Variants in TSPAN15 observed in about 807,000 individuals in gnomAD.
TSPAN15 encodes the protein tetraspanin-15.
A neutral mutation model predicts 34.5 loss-of-function variants in TSPAN15; 20 were observed. The observed-to-expected ratio is 0.58, with a 90% CI of 0.41 to 0.84. The LOEUF (loss-of-function observed/expected upper bound fraction) is 0.84, where lower values mean the gene tolerates loss of function less well. Among genes scored for constraint, TSPAN15 ranks in the 40% least tolerant of loss-of-function variants. TSPAN15 has a pLI of 0.00. For missense variants in TSPAN15, 313 were observed against 386.1 expected, an observed-to-expected ratio of 0.81 and a Z score of 1.59; for synonymous variants, 155 against 153.9, an observed-to-expected ratio of 1.01 and a Z score of -0.05.
chr10:69,530,820 C>CTCTCTCTCTCTCTATA, the TSPAN15 span, among the ~76,000 whole-genome samples: 1 of 30,776 alleles, frequency 3.2e-5, no homozygotes, highest in African/African-American at 1.2e-4. Flanking sequence ...CTCTCTCTCT[C>CTCTCTCTCTCTCTATA]TATATATATA....
chr10:69,463,517 G>T, intron 1 of TSPAN15, among the ~76,000 whole-genome samples: 1 of 152,074 alleles, frequency 6.6e-6, no homozygotes, highest in Non-Finnish European at 1.5e-5. Context: ...TCATCAAAAA[G>T]GTATGTTCTT....
In TSPAN15 at chr10:69,506,070, G is replaced by T; in HGVS notation, c.619-54G>T. 1 of 1,514,988 alleles carries T rather than the reference G, an allele frequency of 6.6e-7. No homozygotes were observed. Among genetic ancestry groups the T allele is most frequent in the South Asian group, 1.2e-5 (1 of 86,920 alleles). The allele number at this position is 1,514,988 out of a possible 1,614,324, so 93.8% of individuals were successfully genotyped here. ...GTGTACATGGCAGAGTCGGGGCTGTGGCTCCTGCCAGCCGAGGTCCTCTGC... is the reference window on the plus strand; with the variant it reads ...GTGTACATGGCAGAGTCGGGGCTGTTGCTCCTGCCAGCCGAGGTCCTCTGC... On this transcript the variant is annotated intron_variant, in intron 6 of 7. Coordinates refer to ENST00000373290, the MANE Select transcript of TSPAN15 (RefSeq NM_012339.5). The surrounding 1 kb of genome is among the most constrained non-coding windows in gnomAD (Gnocchi z 4.7).
At chr10:69,500,695 C>A (rs769170045) in intron 5 of TSPAN15, among the ~76,000 whole-genome samples, 1 of 152,116 alleles carries the variant, frequency 6.6e-6, no homozygotes, top group Non-Finnish European at 1.5e-5. Context: ...GACCTCTCCC[C>A]CTTGGGCAGG....
intron 3 of TSPAN15, 123 bp downstream of exon 3, chr10:69,485,338 GA>G (rs764035862): frequency 2.4e-6 from 2 of 834,306 alleles, no homozygotes; most frequent in Non-Finnish European, 4.1e-6. Context: ...TCATTCTGCT[GA>G]AAGAGAATGA....
intron 3 of TSPAN15, chr10:69,494,876 T>C (rs1842044763): frequency 7.1e-6 from 7 of 985,212 alleles, no homozygotes; most frequent in Non-Finnish European, 8.4e-6. Flanking sequence ...TGGGGCCCTT[T>C]GTGCTTCTGG....
chr10:69,471,446 A>C (rs60852095), intron 1 of TSPAN15, among the ~76,000 whole-genome samples: 1 of 152,188 alleles, frequency 6.6e-6, no homozygotes, highest in Non-Finnish European at 1.5e-5. Flanking sequence ...ATTTACAAAC[A>C]TGCAGAGCCC....
the TSPAN15 span, among the ~76,000 whole-genome samples, chr10:69,548,163 C>A: frequency 6.6e-6 from 1 of 151,710 alleles, no homozygotes; most frequent in Non-Finnish European, 1.5e-5. Context: ...GGGAAAGGAT[C>A]GGGGGCAGAC....
intron 1 of TSPAN15, among the ~76,000 whole-genome samples, chr10:69,455,148 CAAAAAAAAAAAA>C (rs60463263): frequency 1.2e-5 from 1 of 82,496 alleles, no homozygotes. Context: ...GTGACAGTCT[CAAAAAAAAAAAA>C]AAAAAAAAGG....
Position 69,465,196 on chromosome 10 carries a change from C to T in TSPAN15, c.96+13506C>T, listed in dbSNP as rs1079045. ...AGGCTGTGGCAGAGACACTTAGCTT[C>T]GGGGTGTTGGGCTCTGGGCTTCCCC... On this transcript the variant is annotated intron_variant, in intron 1 of 7. Coordinates refer to ENST00000373290, the MANE Select transcript of TSPAN15 (RefSeq NM_012339.5). 0.014 allele frequency among the ~76,000 whole-genome samples: 2,077 copies of T among 152,084 alleles called. 103 individuals are homozygous for T. The East Asian group carries it at 0.14, about 10-fold the overall frequency.
intron 3 of TSPAN15, chr10:69,494,837 C>G (rs982697199): frequency 1.0e-6 from 1 of 985,612 alleles, no homozygotes; most frequent in Non-Finnish European, 1.2e-6. Flanking sequence ...CTGGGCTGCC[C>G]ACGCTCCTGC....
chr10:69,545,016 C>T, the TSPAN15 span, among the ~76,000 whole-genome samples: 2 of 152,190 alleles, frequency 1.3e-5, no homozygotes, highest in African/African-American at 2.4e-5. Context: ...ATGGGAGTCT[C>T]CTGAGGCACA....
chr10:69,455,431 G>A (rs1841065816), intron 1 of TSPAN15, among the ~76,000 whole-genome samples: 1 of 152,086 alleles, frequency 6.6e-6, no homozygotes, highest in African/African-American at 2.4e-5. Flanking sequence ...TCTGTGTGTT[G>A]GCTACATAGA....
intron 1 of TSPAN15, among the ~76,000 whole-genome samples, chr10:69,481,990 AAT>A (rs1841742923): frequency 6.6e-6 from 1 of 152,222 alleles, no homozygotes; most frequent in African/African-American, 2.4e-5. Context: ...TCAGTGTCAG[AAT>A]GTCTTGGTGC....
chr10:69,507,306 G>A lies in TSPAN15; in HGVS notation c.*328G>A. ...CAGGGCCCATTTCATCTCTGGCAGT[G>A]CCTTGGCGGTGGTATTCAAGGCAGT... On this transcript the variant is annotated 3_prime_UTR_variant, in exon 8 of 8. Transcript: ENST00000373290. The A allele has an allele frequency of 7.9e-7, 1 of 1,262,426 alleles. No homozygotes were observed. Among genetic ancestry groups the A allele is most frequent in the African/African-American group, 1.5e-5 (1 of 65,326 alleles). 78.2% of individuals were successfully genotyped at this position (1,262,426 alleles called of 1,614,324 possible).
the TSPAN15 span, among the ~76,000 whole-genome samples, chr10:69,524,964 A>G: frequency 6.8e-6 from 1 of 147,720 alleles, no homozygotes; most frequent in Non-Finnish European, 1.5e-5. Context: ...TATTTTTAGT[A>G]AAGACAGGGT....
intron 5 of TSPAN15, among the ~76,000 whole-genome samples, chr10:69,503,742 T>C (rs890567564): frequency 6.6e-6 from 1 of 152,094 alleles, no homozygotes; most frequent in Non-Finnish European, 1.5e-5. Context: ...CTCTCTTCCC[T>C]GGTGGTTGGA....
At chr10:69,541,998 T>G in the TSPAN15 span, among the ~76,000 whole-genome samples, 1 of 152,270 alleles carries the variant, frequency 6.6e-6, no homozygotes, top group Admixed American at 6.5e-5. Context: ...GCAATGGGCT[T>G]GAATTTCCCC....
chr10:69,505,899 T>C, intron 6 of TSPAN15: 2 of 425,860 alleles, frequency 4.7e-6, no homozygotes, highest in Non-Finnish European at 4.2e-6. Flanking sequence ...CCTCGTTTGC[T>C]GGGGCAACCA....
Position 69,457,106 on chromosome 10 carries a change from C to G in TSPAN15, c.96+5416C>G, listed in dbSNP as rs182851356. Among the ~76,000 whole-genome samples, 54 of 152,354 alleles carry G rather than the reference C, an allele frequency of 3.5e-4. 2 individuals are homozygous for G. The highest frequency in any genetic ancestry group is 2.5e-3 in the Admixed American group (38 of 15,312). ...CCCTCAGCCCATTGGGGACACACCT[C>G]TAATTTTAGCACTGCCCACGGGGTA... On this transcript the variant is annotated intron_variant, in intron 1 of 7. Coordinates refer to ENST00000373290, the MANE Select transcript of TSPAN15 (RefSeq NM_012339.5).
Sources: allele counts gnomAD v4.1 joint callset (sites outside exome capture counted in the v4.1 genomes callset), GRCh38; gene constraint gnomAD v4.1.1; non-coding constraint Gnocchi (gnomAD v3.1); transcripts MANE v1.5; gene names NCBI Gene and HGNC (gene_info 2026-07-23, HGNC 2026-07-21).